The following NBDY variants were observed in gnomAD, a reference collection of about 807,000 sequenced individuals.
The protein encoded by NBDY is P-body dissociating protein.
intron 1 of NBDY, among the ~76,000 whole-genome samples, chrX:56,730,048 C>G (rs1182708431): frequency 9.2e-6 from 1 of 108,693 alleles, no homozygotes; most frequent in Non-Finnish European, 1.9e-5. Flanking sequence ...TGAAGGCCAG[C>G]CTTCAGAAGT....
At chrX:56,790,550 G>A (rs1490176169) in intron 2 of NBDY, among the ~76,000 whole-genome samples, 1 of 112,320 alleles carries the variant, frequency 8.9e-6, no homozygotes, top group Non-Finnish European at 1.9e-5. Context: ...GCACCACGGG[G>A]CACCTCCGGC....
chrX:56,783,391 A>G (rs907436593), intron 2 of NBDY, among the ~76,000 whole-genome samples: 18 of 113,044 alleles, frequency 1.6e-4, no homozygotes, highest in Admixed American at 8.3e-4. Flanking sequence ...GCATCCCAGA[A>G]CTGCCCACAA....
chrX:56,783,586 C>T (rs913307678), intron 2 of NBDY, among the ~76,000 whole-genome samples: 1 of 112,077 alleles, frequency 8.9e-6, no homozygotes, highest in African/African-American at 3.2e-5. Flanking sequence ...ATGGCAGGTA[C>T]GATTTGTTCT....
rs751447719 is a variant in NBDY at position 56,759,550 on chromosome X, C to T, written c.*166+27351C>T. ...TCACATGGGAAAAGGCGGAGGACCTCGGGGTGGAGGAGCAGGGTTACAGTT... is the reference window on the plus strand; with the variant it reads ...TCACATGGGAAAAGGCGGAGGACCTTGGGGTGGAGGAGCAGGGTTACAGTT... On this transcript the variant is annotated intron_variant, in intron 2 of 2. Transcript: ENST00000374922. Among the ~76,000 whole-genome samples the T allele has an allele frequency of 1.7e-4, 19 of 109,847 alleles. 1 individual carries two copies. In the South Asian group the frequency reaches 6.8e-3, roughly 39 times the overall value.
At chrX:56,749,771 C>T (rs936746266) in intron 2 of NBDY, among the ~76,000 whole-genome samples, 15 of 109,752 alleles carry the variant, frequency 1.4e-4, no homozygotes, top group African/African-American at 4.7e-4. Flanking sequence ...CCTGCCTCAA[C>T]CCCCCAAGTA....
At chrX:56,787,831 G>A (rs2069738049) in intron 2 of NBDY, among the ~76,000 whole-genome samples, 1 of 112,661 alleles carries the variant, frequency 8.9e-6, no homozygotes, top group Non-Finnish European at 1.9e-5. Context: ...TGCCTGTTGA[G>A]TGGGTGGCCC....
At chrX:56,802,785 G>C (rs2069830329) in intron 2 of NBDY, among the ~76,000 whole-genome samples, 1 of 112,783 alleles carries the variant, frequency 8.9e-6, no homozygotes, top group African/African-American at 3.2e-5. Context: ...CATGAAACCT[G>C]GAGAGGGCCA....
intron 2 of NBDY, among the ~76,000 whole-genome samples, chrX:56,767,574 C>T (rs1458245900): frequency 1.8e-5 from 2 of 113,283 alleles, no homozygotes; most frequent in African/African-American, 6.4e-5. Context: ...CTCGGCGGGC[C>T]CCGCACTCCG....
chrX:56,812,762 C>T (rs1162706486), intron 2 of NBDY, among the ~76,000 whole-genome samples: 3 of 111,593 alleles, frequency 2.7e-5, no homozygotes, highest in Admixed American at 9.5e-5. Flanking sequence ...TTTGGTGACA[C>T]GAAGCTGCCA....
chrX:56,803,821 A>G (rs1347710542), intron 2 of NBDY, among the ~76,000 whole-genome samples: 7 of 112,191 alleles, frequency 6.2e-5, no homozygotes, highest in Middle Eastern at 4.6e-3. Context: ...AAACAAAACA[A>G]AAAGAAAAGA....
At chrX:56,760,387 C>T (rs1156682894) in intron 2 of NBDY, among the ~76,000 whole-genome samples, 1 of 69,570 alleles carries the variant, frequency 1.4e-5, no homozygotes. Flanking sequence ...AAACAAAGAC[C>T]AGAAAACAGA....
chrX:56,814,467 T>A (rs1423981039), intron 2 of NBDY, among the ~76,000 whole-genome samples: 1 of 110,614 alleles, frequency 9.0e-6, no homozygotes, highest in Non-Finnish European at 1.9e-5. Flanking sequence ...TTGCTTATTG[T>A]TTAAGTGACC....
At chrX:56,756,609 C>T (rs973418027) in intron 2 of NBDY, among the ~76,000 whole-genome samples, 4 of 111,719 alleles carry the variant, frequency 3.6e-5, no homozygotes, top group African/African-American at 1.3e-4. Flanking sequence ...TAGCGAAGTG[C>T]ATTAAGGAAG....
intron 2 of NBDY, among the ~76,000 whole-genome samples, chrX:56,794,880 G>A (rs748101543): frequency 1.2e-4 from 14 of 112,419 alleles, no homozygotes; most frequent in Non-Finnish European, 1.9e-4. Flanking sequence ...CCAGCTGCAG[G>A]GATTCGGGCC....
chrX:56,735,464 C>T (rs2069483012), intron 2 of NBDY, among the ~76,000 whole-genome samples: 1 of 112,075 alleles, frequency 8.9e-6, no homozygotes, highest in Non-Finnish European at 1.9e-5. Flanking sequence ...TGTTATACCT[C>T]AATCTTGGTC....
At chrX:56,754,670 G>A (rs2146720039) in intron 2 of NBDY, among the ~76,000 whole-genome samples, 1 of 111,733 alleles carries the variant, frequency 8.9e-6, no homozygotes, top group African/African-American at 3.2e-5. Flanking sequence ...AAACATGCCA[G>A]AACTTAAGGG....
chrX:56,812,044 C>T (rs1053632108), intron 2 of NBDY, among the ~76,000 whole-genome samples: 1 of 111,059 alleles, frequency 9.0e-6, no homozygotes, highest in African/African-American at 3.3e-5. Flanking sequence ...GAGGTGACAC[C>T]CCTACCCTGC....
chrX:56,733,222 A>G (rs189747271), intron 2 of NBDY, among the ~76,000 whole-genome samples: 1 of 109,931 alleles, frequency 9.1e-6, no homozygotes, highest in Admixed American at 9.7e-5. Flanking sequence ...TTCAATTTCT[A>G]ATCATATGGG....
intron 2 of NBDY, among the ~76,000 whole-genome samples, chrX:56,740,952 GTATACCCGT>G (rs1211171184): frequency 9.1e-6 from 1 of 109,795 alleles, no homozygotes; most frequent in Admixed American, 9.7e-5. Context: ...CATTCTTTTT[GTATACCCGT>G]TAACCATCCC....
Sources: gnomAD v4.1 joint callset for allele counts (sites outside exome capture counted in the v4.1 genomes callset) on GRCh38, gnomAD v4.1.1 for gene constraint, MANE v1.5 for transcripts, NCBI Gene and HGNC (gene_info 2026-07-23, HGNC 2026-07-21) for gene names.